Variants in AMPD3 observed in about 807,000 individuals in gnomAD.
AMPD3 encodes the protein adenosine monophosphate deaminase 3.
Under a neutral mutation model 82.3 loss-of-function variants are expected in AMPD3, and 57 were observed. The observed-to-expected ratio is 0.69, with a 90% CI of 0.56 to 0.86. AMPD3 has a LOEUF of 0.86. AMPD3 is among the 40% of genes least tolerant of loss of function. The pLI, the probability that AMPD3 is intolerant of heterozygous loss-of-function variation, is 0.00. For synonymous variants in AMPD3, 381 were observed against 394.7 expected (o/e 0.97, Z 0.41); for missense variants, 870 against 1,003.8 (o/e 0.87, Z 1.80).
At chr11:10,451,461 G>T (rs924297793), upstream of AMPD3, among the ~76,000 whole-genome samples, 3 of 152,222 alleles carry the variant, frequency 2.0e-5, no homozygotes, top group African/African-American at 7.2e-5. Context: ...GTCGTTTGAG[G>T]CCTTCATCCT....
chr11:10,455,341 G>A lies in AMPD3; in HGVS notation c.-113G>A. ...TTAATCAACCCTGCTTGGTTTTAGA[G>A]GATTGCTCCTGTGGGTCACTTGAGG... On this transcript the variant is annotated 5_prime_UTR_variant, in exon 1 of 15. Transcript: ENST00000396553. 2 of 985,478 alleles carry A rather than the reference G, an allele frequency of 2.0e-6. No individual in the cohort carries two copies. The highest frequency in any genetic ancestry group is 2.4e-6 in the Non-Finnish European group (2 of 830,000). The allele number at this position is 985,478 out of a possible 1,614,324, so 61.0% of individuals were successfully genotyped here.
intron 6 of AMPD3, 121 bp downstream of exon 6, chr11:10,487,485 G>A: frequency 7.1e-7 from 1 of 1,401,428 alleles, no homozygotes; most frequent in Non-Finnish European, 1.0e-6. Context: ...GCTAAGGGCG[G>A]CCTTCGTGGC....
At chr11:10,454,232 G>A (rs1848031243), upstream of AMPD3, among the ~76,000 whole-genome samples, 1 of 152,098 alleles carries the variant, frequency 6.6e-6, no homozygotes, top group African/African-American at 2.4e-5. Context: ...CCCGCCTTTT[G>A]GCTTCAGCAG....
chr11:10,493,896 T>A (rs1220944035), intron 7 of AMPD3, among the ~76,000 whole-genome samples: 1 of 152,184 alleles, frequency 6.6e-6, no homozygotes, highest in Non-Finnish European at 1.5e-5. Context: ...CACTAAATGA[T>A]GGTGTAACTG....
chr11:10,495,305 C>G, intron 8 of AMPD3: 1 of 985,460 alleles, frequency 1.0e-6, no homozygotes. Context: ...CAGCCTGAAC[C>G]TAGCTGGGTG....
intron 5 of AMPD3, among the ~76,000 whole-genome samples, chr11:10,485,569 T>C (rs2133899138): frequency 6.6e-6 from 1 of 152,158 alleles, no homozygotes; most frequent in Non-Finnish European, 1.5e-5. Context: ...GCGTGCATAG[T>C]GTGGAGCCTC....
At chr11:10,495,796 GCTGCTGAGT>G in intron 9 of AMPD3, 63 bp downstream of exon 9, 2 of 1,602,738 alleles carry the variant, frequency 1.2e-6, no homozygotes, top group East Asian at 4.5e-5. Flanking sequence ...TCCCTCATGG[GCTGCTGAGT>G]CTGCACTCCT....
At chr11:10,490,937 G>A (rs1849222998) in intron 6 of AMPD3, among the ~76,000 whole-genome samples, 3 of 152,204 alleles carry the variant, frequency 2.0e-5, no homozygotes, top group Admixed American at 2.0e-4. Context: ...CTGTCTTTCT[G>A]GTAAGAATGG....
intron 14 of AMPD3, 166 bp from the exon 15 acceptor site, chr11:10,505,542 G>A (rs1026643384): frequency 3.3e-5 from 33 of 985,288 alleles, no homozygotes; most frequent in Admixed American, 1.2e-4. Context: ...AGGACACAGA[G>A]GCCAGCAGGA....
intron 2 of AMPD3, among the ~76,000 whole-genome samples, chr11:10,474,019 TC>T (rs1192396642): frequency 6.6e-6 from 1 of 152,010 alleles, no homozygotes; most frequent in Admixed American, 6.6e-5. Flanking sequence ...TTCTGAAATG[TC>T]CCCCCTCTGA....
intron 14 of AMPD3, 99 bp downstream of exon 14, chr11:10,504,758 A>G (rs1166890615): frequency 1.8e-6 from 2 of 1,132,776 alleles, no homozygotes; most frequent in African/African-American, 3.0e-5. Context: ...TGAACATAGC[A>G]GGCAGGGCCT....
At chr11:10,462,383 G>A (rs1307875632) in intron 2 of AMPD3, among the ~76,000 whole-genome samples, 1 of 152,110 alleles carries the variant, frequency 6.6e-6, no homozygotes, top group African/African-American at 2.4e-5. Context: ...ACCCAGGACA[G>A]GAGTGACAAG....
intron 13 of AMPD3, chr11:10,504,238 AT>A: frequency 2.0e-6 from 2 of 985,334 alleles, no homozygotes; most frequent in Non-Finnish European, 2.4e-6. Context: ...TAAATGTGGC[AT>A]GACTAGAGGG....
chr11:10,467,760 C>T (rs1159864596), intron 2 of AMPD3, among the ~76,000 whole-genome samples: 1 of 152,106 alleles, frequency 6.6e-6, no homozygotes, highest in African/African-American at 2.4e-5. Flanking sequence ...TTAAGGGCAG[C>T]CAGAGAGAAA....
intron 13 of AMPD3, 137 bp downstream of exon 13, chr11:10,503,031 A>G: frequency 9.8e-7 from 1 of 1,016,282 alleles, no homozygotes; most frequent in Non-Finnish European, 1.5e-6. Context: ...GCAGGAAGGA[A>G]GCCACTGTTG....
rs1848106092 is a variant in AMPD3, at chr11:10,456,753, G to A, written c.-6+1305G>A. 7.7e-6 allele frequency: 3 copies of A among 388,136 alleles called. No individual in the cohort carries two copies. Among genetic ancestry groups the A allele is most frequent in the Admixed American group, 6.4e-5 (1 of 15,522 alleles). The allele number at this position is 388,136 out of a possible 1,614,324, so 24.0% of individuals were successfully genotyped here. On this transcript the variant is annotated intron_variant, in intron 1 of 14. Coordinates refer to ENST00000396553, the MANE Select transcript of AMPD3 (RefSeq NM_001025389.2). The surrounding 1 kb of genome is among the most constrained non-coding windows in gnomAD (Gnocchi z 4.3). Reference sequence around the variant, plus strand: ...GCTGAAGCTCTGCTTGGCATCTGCAGAGTGAGCTTTCCTTGTCAGGCCTGG... The same window carrying A: ...GCTGAAGCTCTGCTTGGCATCTGCAAAGTGAGCTTTCCTTGTCAGGCCTGG...
Position 10,506,151 on chromosome 11 carries a change from C to A in AMPD3, c.*267C>A. 1 of 477,200 alleles carries A rather than the reference C, an allele frequency of 2.1e-6. No homozygotes were observed. The highest frequency in any genetic ancestry group is 3.8e-6 in the Non-Finnish European group (1 of 260,458). 29.6% of individuals were successfully genotyped at this position (477,200 alleles called of 1,614,324 possible). On this transcript the variant is annotated 3_prime_UTR_variant, in exon 15 of 15. Transcript: ENST00000396553. The surrounding 1 kb of genome is among the most constrained non-coding windows in gnomAD (Gnocchi z 4.1). ...CTTGTTCCTAATTTTCCAAGTATTT[C>A]TCTTGAAACTGCCAGTGCCTGAACT...
At chr11:10,472,982 T>C (rs1848637320) in intron 2 of AMPD3, among the ~76,000 whole-genome samples, 2 of 151,868 alleles carry the variant, frequency 1.3e-5, no homozygotes, top group South Asian at 4.1e-4. Context: ...CCAGCCTGGC[T>C]GAGGGAGGGA....
chr11:10,452,941 G>GT (rs200004354), upstream of AMPD3, among the ~76,000 whole-genome samples: 118 of 151,016 alleles, frequency 7.8e-4, no homozygotes, highest in South Asian at 2.1e-3. Flanking sequence ...TCTAGCTGGA[G>GT]TTTTTTTTGT....
Sources: allele counts gnomAD v4.1 joint callset (sites outside exome capture counted in the v4.1 genomes callset), GRCh38; gene constraint gnomAD v4.1.1; non-coding constraint Gnocchi (gnomAD v3.1); transcripts MANE v1.5; gene names NCBI Gene and HGNC (gene_info 2026-07-23, HGNC 2026-07-21).